Variants in CGRRF1 observed in about 807,000 individuals in gnomAD.
CGRRF1 encodes cell growth regulator with ring finger domain 1.
In CGRRF1, 32 loss-of-function variants were observed where a neutral mutation model predicts 37.2. The ratio of observed to expected loss-of-function variants is 0.86; its 90% CI spans 0.65 to 1.16. CGRRF1 has a LOEUF of 1.16. CGRRF1 is among the 50% of genes most tolerant of loss of function. CGRRF1 has a pLI of 0.00. For missense variants in CGRRF1, 391 were observed against 382.6 expected (o/e 1.02, Z -0.18); for synonymous variants, 141 against 140.3 (o/e 1.00, Z -0.04).
At chr14:54,518,386 A>C (rs2032252788) in intron 1 of CGRRF1, among the ~76,000 whole-genome samples, 1 of 151,970 alleles carries the variant, frequency 6.6e-6, no homozygotes, top group Admixed American at 6.6e-5. Flanking sequence ...TCTCTACTAA[A>C]AATACAAAAA....
rs1306536551 is a variant in CGRRF1, at chr14:54,522,510, C to G, written c.161C>G (p.Thr54Arg). 6.2e-7 allele frequency: 1 copy of G among 1,609,238 alleles called. No individual in the cohort carries two copies. Among genetic ancestry groups the G allele is most frequent in the African/African-American group, 1.3e-5 (1 of 74,638 alleles). The change falls in exon 2 of 6, where the codon ACA (threonine) becomes AGA (arginine). Residue 54 changes from threonine (T) to arginine (R), a missense_variant. Transcript: ENST00000216420. Reference protein sequence around the residue: ...LRNSEETQFSTRVFKKQMRQV... With the variant: ...LRNSEETQFSRRVFKKQMRQV... The stretch of plus-strand genomic sequence containing the variant: ...AATTCAGAAGAGACCCAGTTCAGCA[C>G]AAGAGTTTTCAAAAAGCAAATGAGA...
rs1224276092 is a variant in CGRRF1, at chr14:54,538,549, G to C, written c.*166G>C. On this transcript the variant is annotated 3_prime_UTR_variant, in exon 6 of 6. Transcript: ENST00000216420. ...TGATAAAAATTAATTATTCCTTTCT[G>C]CTTAGTGAATGAATACTGGAATCCA... 1 of 492,354 alleles carries C rather than the reference G, an allele frequency of 2.0e-6. No individual in the cohort carries two copies. The highest frequency in any genetic ancestry group is 3.7e-5 in the Admixed American group (1 of 26,896). 30.5% of individuals were successfully genotyped at this position (492,354 alleles called of 1,614,324 possible).
In CGRRF1 at chr14:54,523,764, A is replaced by G. The variant is rs79102901; in HGVS notation, c.244+1171A>G. Reference sequence around the variant, plus strand: ...AATAGCAAGTTTCCAAAGAAAGGCAATGAATTCAATTTTGAACTTTTGGAC... The same window carrying G: ...AATAGCAAGTTTCCAAAGAAAGGCAGTGAATTCAATTTTGAACTTTTGGAC... On this transcript the variant is annotated intron_variant, in intron 2 of 5. Transcript: ENST00000216420. 3.3e-3 allele frequency among the ~76,000 whole-genome samples: 505 copies of G among 152,314 alleles called. 1 individual carries two copies. Among genetic ancestry groups the G allele is most frequent in the African/African-American group, 0.012 (494 of 41,564 alleles).
At chr14:54,511,396 A>T (rs1330328701) in intron 1 of CGRRF1, among the ~76,000 whole-genome samples, 5 of 152,202 alleles carry the variant, frequency 3.3e-5, no homozygotes, top group African/African-American at 1.2e-4. Context: ...TTTATTGCTA[A>T]TGTTCATTAC....
In CGRRF1 at chr14:54,520,293, A is replaced by ATG. The variant is rs112822453; in HGVS notation, c.105-2147_105-2146dup. On this transcript the variant is annotated intron_variant, in intron 1 of 5. Transcript: ENST00000216420. ...CTGGCTAATTTGTGTGTGTGTGTGT[A>ATG]TGTGTGTGTGTGTGTATTTTTAGTA... Among the ~76,000 whole-genome samples the ATG allele has an allele frequency of 4.9e-3, 739 of 150,366 alleles. 3 individuals are homozygous for ATG. The highest frequency in any genetic ancestry group is 0.016 in the African/African-American group (660 of 41,084).
In CGRRF1 at chr14:54,538,164, T is replaced by C. The variant is rs1273630495; in HGVS notation, c.780T>C (p.Ser260=). The C allele has an allele frequency of 2.5e-6, 4 of 1,614,214 alleles. No individual in the cohort carries two copies. The South Asian group carries it at 4.4e-5, about 18-fold the overall frequency. ...DRSLLEKVGL[S]ESEVEPSEEN... ...GTTTGTTGGAAAAGGTGGGACTCTC[T>C]GAAAGTGAAGTTGAGCCATCGGAAG... Residue 260 remains serine (S), a synonymous_variant, in exon 6 of 6, where the codon TCT becomes TCC. Transcript: ENST00000216420.
chr14:54,538,398 T>C lies in CGRRF1; in HGVS notation c.*15T>C, dbSNP rs1362463077. 1.9e-6 allele frequency: 3 copies of C among 1,564,172 alleles called. No homozygotes were observed. The highest frequency in any genetic ancestry group is 1.8e-5 in the Admixed American group (1 of 56,094). ...AGACTCTTTGAAGACATCGTAACACTGAAAAGTACACTTTCTACTAAAGAT... is the reference window on the plus strand; with the variant it reads ...AGACTCTTTGAAGACATCGTAACACCGAAAAGTACACTTTCTACTAAAGAT... On this transcript the variant is annotated 3_prime_UTR_variant, in exon 6 of 6. Transcript: ENST00000216420.
chr14:54,527,443 C>T (rs988968637), intron 2 of CGRRF1, among the ~76,000 whole-genome samples: 2 of 151,812 alleles, frequency 1.3e-5, no homozygotes, highest in Admixed American at 1.3e-4. Context: ...CACATGTACC[C>T]TAAAACTTAA....
At chr14:54,529,941 CCAT>C (rs2032480187) in intron 2 of CGRRF1, 105 bp from the exon 3 acceptor site, 1 of 801,152 alleles carries the variant, frequency 1.2e-6, no homozygotes, top group Non-Finnish European at 2.0e-6. Context: ...CTTTTAACTG[CCAT>C]CATCCTGGCC....
chr14:54,536,349 T>C (rs1313770620), intron 4 of CGRRF1: 1 of 152,198 alleles, frequency 6.6e-6, no homozygotes, highest in Non-Finnish European at 1.5e-5. Context: ...TGCTTGGACA[T>C]TCAGGTGGTT....
At chr14:54,510,393 C>T in intron 1 of CGRRF1, 1 of 347,664 alleles carries the variant, frequency 2.9e-6, no homozygotes, top group South Asian at 2.9e-5. Context: ...AAGTGCTTCT[C>T]TAGTAGGCTT....
intron 1 of CGRRF1, among the ~76,000 whole-genome samples, chr14:54,511,033 T>C (rs936760319): frequency 6.6e-6 from 1 of 152,124 alleles, no homozygotes; most frequent in Non-Finnish European, 1.5e-5. Flanking sequence ...TAAATGTATA[T>C]AGTAGGGAAG....
intron 2 of CGRRF1, 42 bp downstream of exon 2, chr14:54,522,635 C>T: frequency 6.5e-7 from 1 of 1,541,148 alleles, no homozygotes; most frequent in Non-Finnish European, 8.7e-7. Context: ...ATTGTTTGCC[C>T]TCTTTTTTTA....
chr14:54,527,879 C>A (rs1309561743), intron 2 of CGRRF1, among the ~76,000 whole-genome samples: 2 of 151,854 alleles, frequency 1.3e-5, no homozygotes, highest in Non-Finnish European at 2.9e-5. Flanking sequence ...AAGTTAGGAC[C>A]ACGGGTGCGT....
chr14:54,529,195 T>G (rs1246365574), intron 2 of CGRRF1, among the ~76,000 whole-genome samples: 2 of 152,214 alleles, frequency 1.3e-5, no homozygotes, highest in East Asian at 3.9e-4. Context: ...ACGTTACAGT[T>G]TGCGCTGCTA....
intron 2 of CGRRF1, among the ~76,000 whole-genome samples, chr14:54,527,407 C>T (rs1284528006): frequency 6.6e-6 from 1 of 152,018 alleles, no homozygotes; most frequent in Non-Finnish European, 1.5e-5. Flanking sequence ...CACATGTATA[C>T]ATATGTAGCA....
intron 4 of CGRRF1, chr14:54,537,499 T>C: frequency 3.0e-6 from 1 of 328,474 alleles, no homozygotes; most frequent in East Asian, 5.8e-5. Context: ...ACAATTAAAA[T>C]AACTCTGCCA....
chr14:54,534,450 C>A (rs2032569193), intron 4 of CGRRF1, among the ~76,000 whole-genome samples: 1 of 152,062 alleles, frequency 6.6e-6, no homozygotes, highest in Non-Finnish European at 1.5e-5. Flanking sequence ...GAAGTGATAA[C>A]TACTATTTTC....
chr14:54,510,918 T>G (rs1183163050), intron 1 of CGRRF1, among the ~76,000 whole-genome samples: 1 of 152,180 alleles, frequency 6.6e-6, no homozygotes, highest in African/African-American at 2.4e-5. Flanking sequence ...AAACAGCAGT[T>G]CTAAGTGGAT....
Sources: allele counts gnomAD v4.1 joint callset (sites outside exome capture counted in the v4.1 genomes callset), GRCh38; gene constraint gnomAD v4.1.1; transcripts MANE v1.5; gene names NCBI Gene and HGNC (gene_info 2026-07-23, HGNC 2026-07-21).